The following CSGALNACT1 variants were observed in gnomAD, a reference collection of about 807,000 sequenced individuals.
CSGALNACT1 encodes beta4GalNAcT-1.
Under a neutral mutation model 51.0 loss-of-function variants are expected in CSGALNACT1, and 52 were observed. The observed-to-expected ratio is 1.02, with a 90% CI of 0.82 to 1.29. The LOEUF is 1.29. CSGALNACT1 is among the 50% of genes most tolerant of loss of function. CSGALNACT1 has a pLI of 0.00. For synonymous variants in CSGALNACT1, 341 were observed against 254.4 expected, an observed-to-expected ratio of 1.34 and a Z score of -3.24; for missense variants, 935 against 679.2, an observed-to-expected ratio of 1.38 and a Z score of -4.19.
At chr8:19,646,952 C>T (rs1363148463) in intron 1 of CSGALNACT1, among the ~76,000 whole-genome samples, 1 of 151,896 alleles carries the variant, frequency 6.6e-6, no homozygotes, top group Non-Finnish European at 1.5e-5. Flanking sequence ...CTCAGCTCTA[C>T]ACCAAGAATA....
rs111887158 is a variant in CSGALNACT1 at position 19,534,788 on chromosome 8, C to A, written c.-296-28658G>T. Among the ~76,000 whole-genome samples, 563 of 152,270 alleles carry A rather than the reference C, an allele frequency of 3.7e-3. 4 individuals are homozygous for A. The highest frequency in any genetic ancestry group is 0.013 in the African/African-American group (543 of 41,572). ...AAATGCCTAGAAGAAATAAAATAAT[C>A]GTCATAAGCAGTTTGTTAGAACTAA... On this transcript the variant is annotated intron_variant, in intron 3 of 9. Coordinates refer to ENST00000454498, the Ensembl canonical transcript of CSGALNACT1.
At chr8:19,669,322 A>G (rs2059611537) in intron 1 of CSGALNACT1, among the ~76,000 whole-genome samples, 1 of 152,218 alleles carries the variant, frequency 6.6e-6, no homozygotes, top group Admixed American at 6.5e-5. Context: ...ATTAATATGT[A>G]CCCTTGCTTA....
At chr8:19,734,592 T>A (rs2063863059) in intron 1 of CSGALNACT1, among the ~76,000 whole-genome samples, 1 of 152,178 alleles carries the variant, frequency 6.6e-6, no homozygotes, top group Admixed American at 6.5e-5. Context: ...AAATTTAACT[T>A]GTCTGAAGTT....
intron 1 of CSGALNACT1, among the ~76,000 whole-genome samples, chr8:19,732,141 T>C (rs2063726228): frequency 6.6e-6 from 1 of 152,210 alleles, no homozygotes; most frequent in Admixed American, 6.5e-5. Context: ...TTCTCCCTTT[T>C]TTCTAGAAAT....
chr8:19,587,298 T>C lies in CSGALNACT1; in HGVS notation c.-297+3862A>G, dbSNP rs958782457. Among the ~76,000 whole-genome samples the C allele has an allele frequency of 3.3e-5, 5 of 152,324 alleles. No homozygotes were observed. The East Asian group carries it at 9.7e-4, about 29-fold the overall frequency. Reference sequence around the variant, plus strand: ...CTCCAAATCAAAGGTTCAGAAACACTGGCTTAGTCTACGACTGGTAGTGAG... The same window carrying C: ...CTCCAAATCAAAGGTTCAGAAACACCGGCTTAGTCTACGACTGGTAGTGAG... On this transcript the variant is annotated intron_variant, in intron 3 of 9. Coordinates refer to ENST00000454498, the Ensembl canonical transcript of CSGALNACT1.
At chr8:19,558,872 T>G (rs2040070326) in intron 3 of CSGALNACT1, among the ~76,000 whole-genome samples, 1 of 152,180 alleles carries the variant, frequency 6.6e-6, no homozygotes, top group Admixed American at 6.5e-5. Flanking sequence ...TGCAAAGAGG[T>G]ATTTTTTCCA....
At chr8:19,459,291 G>A (rs900465964) in intron 4 of CSGALNACT1, among the ~76,000 whole-genome samples, 1 of 149,584 alleles carries the variant, frequency 6.7e-6, no homozygotes, top group African/African-American at 2.5e-5. Flanking sequence ...GCTGAGGCAG[G>A]AGAATCGCTT....
chr8:19,662,058 GCCCCCACCCCCCCCCACCCCCC>G lies in CSGALNACT1; in HGVS notation c.-544+20393_-544+20414del, dbSNP rs1215896529. On this transcript the variant is annotated intron_variant, in intron 1 of 9. Coordinates refer to the CSGALNACT1 transcript ENST00000332246. ...CAACCCCTTTCCCACTATTACAGTT[GCCCCCACCCCCCCCCACCCCCC>G]CCCCCCCCCGCATCTTCAGCAGCTT... is the stretch of plus-strand genomic sequence containing the variant. 6.2e-4 allele frequency among the ~76,000 whole-genome samples: 21 copies of G among 33,954 alleles called. 1 individual carries two copies. Among genetic ancestry groups the G allele is most frequent in the Non-Finnish European group, 1.1e-3 (17 of 15,894 alleles). 22.3% of individuals were successfully genotyped at this position (33,954 alleles called of 152,430 possible). A position where few individuals can be genotyped will look rare whatever the true frequency, so the allele number is the denominator to read the frequency against.
chr8:19,743,488 T>A (rs1223556032), intron 1 of CSGALNACT1, among the ~76,000 whole-genome samples: 1 of 152,218 alleles, frequency 6.6e-6, no homozygotes, highest in Non-Finnish European at 1.5e-5. Flanking sequence ...ATCTTACTTT[T>A]GGCCCTATAC....
chr8:19,669,750 C>T (rs924938340), intron 1 of CSGALNACT1, among the ~76,000 whole-genome samples: 1 of 152,228 alleles, frequency 6.6e-6, no homozygotes, highest in South Asian at 2.1e-4. Context: ...GCTGGGATTA[C>T]AGGCATGGGC....
chr8:19,536,941 C>G (rs2083879148), intron 3 of CSGALNACT1, among the ~76,000 whole-genome samples: 1 of 152,190 alleles, frequency 6.6e-6, no homozygotes, highest in Non-Finnish European at 1.5e-5. Context: ...GGTGCTGGTT[C>G]TGGAGCAAGT....
intron 6 of CSGALNACT1, among the ~76,000 whole-genome samples, chr8:19,429,962 T>A (rs1299761720): frequency 1.3e-5 from 2 of 152,234 alleles, no homozygotes; most frequent in African/African-American, 4.8e-5. Context: ...ATTTTTCTAG[T>A]GACTAATGAT....
chr8:19,593,252 C>T (rs2048210407), intron 2 of CSGALNACT1, among the ~76,000 whole-genome samples: 1 of 152,210 alleles, frequency 6.6e-6, no homozygotes, highest in African/African-American at 2.4e-5. Flanking sequence ...AGTTCTCAGT[C>T]ATCAGCCTGC....
At chr8:19,734,663 T>C (rs1217005021) in intron 1 of CSGALNACT1, among the ~76,000 whole-genome samples, 2 of 152,180 alleles carry the variant, frequency 1.3e-5, no homozygotes, top group Non-Finnish European at 2.9e-5. Flanking sequence ...CTATTAGTGT[T>C]GACTCTTGGC....
chr8:19,411,075 G>T (rs1041200503), intron 8 of CSGALNACT1, among the ~76,000 whole-genome samples: 3 of 152,006 alleles, frequency 2.0e-5, no homozygotes, highest in Non-Finnish European at 1.5e-5. Flanking sequence ...CTCCCTCTTG[G>T]ATTCTCCATG....
chr8:19,672,766 A>C (rs2059891782), intron 1 of CSGALNACT1, among the ~76,000 whole-genome samples: 1 of 152,212 alleles, frequency 6.6e-6, no homozygotes, highest in Non-Finnish European at 1.5e-5. Context: ...TTATACTGTC[A>C]CACCAAGATG....
At chr8:19,742,368 A>G (rs2064368329) in intron 1 of CSGALNACT1, among the ~76,000 whole-genome samples, 1 of 152,246 alleles carries the variant, frequency 6.6e-6, no homozygotes, top group Non-Finnish European at 1.5e-5. Context: ...ACAAAGGTAA[A>G]TTAACCTGTT....
intron 4 of CSGALNACT1, among the ~76,000 whole-genome samples, chr8:19,480,868 A>G (rs964342084): frequency 2.0e-5 from 3 of 152,134 alleles, no homozygotes; most frequent in Non-Finnish European, 4.4e-5. Context: ...TCTTCTTTCT[A>G]AACAGTTACT....
rs1186216767 is a variant in CSGALNACT1, at chr8:19,408,468, CTTTTTTTT to C, written c.1309+137_1309+144del. 6.9e-3 allele frequency: 3,216 copies of C among 468,146 alleles called. 19 individuals carry two copies. The highest frequency in any genetic ancestry group is 8.7e-3 in the Non-Finnish European group (2,382 of 275,128). 29.0% of individuals were successfully genotyped at this position (468,146 alleles called of 1,614,324 possible). On this transcript the variant is annotated intron_variant, in intron 9 of 9. Coordinates refer to ENST00000454498, the Ensembl canonical transcript of CSGALNACT1. ...AGCCACCGCACCTAGTCTGGAATAG[CTTTTTTTT>C]TTTTTTTTTTTTTTTTTTTTTGAAG... is the stretch of plus-strand genomic sequence containing the variant.
Sources: allele counts gnomAD v4.1 joint callset (sites outside exome capture counted in the v4.1 genomes callset), GRCh38; gene constraint gnomAD v4.1.1; transcripts MANE v1.5; gene names NCBI Gene and HGNC (gene_info 2026-07-23, HGNC 2026-07-21).